RMDN1: variants seen among roughly 807,000 people sequenced by gnomAD.
The protein encoded by RMDN1 is regulator of microtubule dynamics protein 1.
A neutral mutation model predicts 48.9 loss-of-function variants in RMDN1; 48 were observed. The observed-to-expected ratio is 0.98, with a 90% confidence interval of 0.78 to 1.25. The LOEUF (loss-of-function observed/expected upper bound fraction) is 1.25, where lower values mean the gene tolerates loss of function less well. Among genes scored for constraint, RMDN1 ranks in the 50% most tolerant of loss-of-function variants. RMDN1 has a pLI of 0.00. For synonymous variants in RMDN1, 148 were observed against 132.6 expected (o/e 1.12, Z -0.80); for missense variants, 418 against 373.4 (o/e 1.12, Z -0.98).
chr8:86,500,784 A>G (rs1818079336), intron 2 of RMDN1, among the ~76,000 whole-genome samples: 1 of 152,230 alleles, frequency 6.6e-6, no homozygotes, highest in Non-Finnish European at 1.5e-5. Flanking sequence ...AAACACATGC[A>G]ATCAACTGAG....
downstream of RMDN1, among the ~76,000 whole-genome samples, chr8:86,469,100 AAC>A (rs1197031222): frequency 4.0e-5 from 6 of 151,484 alleles, no homozygotes; most frequent in Non-Finnish European, 2.9e-5. Context: ...TCAGTTAAGC[AAC>A]ACAATTCTAT....
chr8:86,476,194 A>G (rs1194052830), intron 8 of RMDN1, among the ~76,000 whole-genome samples: 2 of 152,326 alleles, frequency 1.3e-5, no homozygotes, highest in South Asian at 2.1e-4. Flanking sequence ...CTAAGGTCCT[A>G]TATTTTTACT....
chr8:86,473,428 T>C lies in RMDN1; in HGVS notation c.*880A>G, dbSNP rs1407649669. On this transcript the variant is annotated 3_prime_UTR_variant, in exon 10 of 10. Transcript: ENST00000406452. ...TCCATTCCATTAGGGAATAGAACTT[T>C]GCATCTGATGACAAATTCAGTTTAC... The C allele has an allele frequency of 7.1e-6, 7 of 985,356 alleles. No homozygotes were observed. Among genetic ancestry groups the C allele is most frequent in the Middle Eastern group, 5.2e-4 (1 of 1,934 alleles). 61.0% of individuals were successfully genotyped at this position (985,356 alleles called of 1,614,324 possible).
Position 86,474,052 on chromosome 8 carries a change from A to C in RMDN1, c.*256T>G, listed in dbSNP as rs1296767700. ...GATCAATCCTTAGAAATCTCATACC[A>C]TTTTGCATTGCTGGTATCCAGGATG... is the stretch of plus-strand genomic sequence containing the variant. On this transcript the variant is annotated 3_prime_UTR_variant, in exon 10 of 10. Transcript: ENST00000406452. 1 of 1,201,468 alleles carries C rather than the reference A, an allele frequency of 8.3e-7. No homozygotes were observed. Among genetic ancestry groups the C allele is most frequent in the African/African-American group, 1.6e-5 (1 of 63,380 alleles). The allele number at this position is 1,201,468 out of a possible 1,614,324, so 74.4% of individuals were successfully genotyped here.
intron 2 of RMDN1, among the ~76,000 whole-genome samples, chr8:86,503,252 T>A (rs554316908): frequency 1.3e-5 from 2 of 151,634 alleles, no homozygotes; most frequent in South Asian, 4.2e-4. Context: ...CTCAGGAGGC[T>A]GAGGCAGGAG....
At chr8:86,496,347 G>C (rs1409995544) in intron 2 of RMDN1, among the ~76,000 whole-genome samples, 1 of 152,208 alleles carries the variant, frequency 6.6e-6, no homozygotes, top group East Asian at 1.9e-4. Context: ...AAATGACACA[G>C]AGTGGCAAGT....
intron 2 of RMDN1, among the ~76,000 whole-genome samples, chr8:86,499,168 C>G (rs1817826378): frequency 1.3e-5 from 2 of 152,112 alleles, no homozygotes; most frequent in Admixed American, 1.3e-4. Context: ...GACAAGGATG[C>G]CCACTCTTAC....
intron 6 of RMDN1, among the ~76,000 whole-genome samples, chr8:86,479,812 C>A (rs116077247): frequency 6.6e-6 from 1 of 152,064 alleles, no homozygotes; most frequent in African/African-American, 2.4e-5. Flanking sequence ...CCATCAAGTA[C>A]GTAACACTTT....
At position 86,474,743 on chromosome 8, in the gene RMDN1, C is replaced by T. The variant is rs1813081000; in HGVS notation, c.894+77G>A. On this transcript the variant is annotated intron_variant, in intron 9 of 9. Transcript: ENST00000406452. Reference sequence around the variant, plus strand: ...AATATTATGCATTTAGAAAATTATGCTTTTAAAGAAGTTCTTAATTCACCA... The same window carrying T: ...AATATTATGCATTTAGAAAATTATGTTTTTAAAGAAGTTCTTAATTCACCA... 4.5e-6 allele frequency: 6 copies of T among 1,328,656 alleles called. No homozygotes were observed. The East Asian group carries it at 6.9e-5, about 15-fold the overall frequency. The allele number at this position is 1,328,656 out of a possible 1,614,324, so 82.3% of individuals were successfully genotyped here. A position where few individuals can be genotyped will look rare whatever the true frequency, so the allele number is the denominator to read the frequency against.
intron 8 of RMDN1, among the ~76,000 whole-genome samples, chr8:86,475,254 A>G (rs1813173619): frequency 6.6e-6 from 1 of 152,212 alleles, no homozygotes; most frequent in African/African-American, 2.4e-5. Context: ...GATAGAATGT[A>G]TGCTATTTGA....
At chr8:86,481,128 T>C (rs1224673047) in intron 5 of RMDN1, among the ~76,000 whole-genome samples, 1 of 152,188 alleles carries the variant, frequency 6.6e-6, no homozygotes, top group African/African-American at 2.4e-5. Flanking sequence ...ACCCACACTT[T>C]TGCTTTCAGT....
At chr8:86,503,390 C>CAAAACAAAACAA (rs1491204153) in intron 2 of RMDN1, among the ~76,000 whole-genome samples, 4 of 56,584 alleles carry the variant, frequency 7.1e-5, no homozygotes, top group Admixed American at 2.3e-4. Context: ...AAAAAAAAAA[C>CAAAACAAAACAA]AAAAAAAAAT....
chr8:86,486,463 T>A (rs774829528), intron 4 of RMDN1, 21 bp downstream of exon 4: 1 of 1,559,542 alleles, frequency 6.4e-7, no homozygotes, highest in East Asian at 2.3e-5. Context: ...ACATGGTTAA[T>A]AGCTTAGTTA....
chr8:86,501,749 TATA>T (rs1211174109), intron 2 of RMDN1, among the ~76,000 whole-genome samples: 11 of 152,192 alleles, frequency 7.2e-5, no homozygotes, highest in African/African-American at 2.4e-4. Context: ...CAAAAATTAT[TATA>T]ATGTGATAAG....
rs76999486 is a variant in RMDN1, at chr8:86,501,570, G to A, written c.247+5425C>T. On this transcript the variant is annotated intron_variant, in intron 2 of 9. Transcript: ENST00000406452. ...CATCTGTAGTCTCAGCTACTTGTGA[G>A]GCTGAGGTGGGAGAATCACCCGGGC... Among the ~76,000 whole-genome samples, 129 of 152,098 alleles carry A rather than the reference G, an allele frequency of 8.5e-4. 1 individual carries two copies. The highest frequency in any genetic ancestry group is 3.0e-3 in the African/African-American group (125 of 41,512).
At chr8:86,507,322 T>TA (rs2131354123) in intron 1 of RMDN1, among the ~76,000 whole-genome samples, 1 of 152,320 alleles carries the variant, frequency 6.6e-6, no homozygotes, top group South Asian at 2.1e-4. Context: ...GCCGCTCATC[T>TA]AAAAATCACA....
At chr8:86,484,989 A>AT (rs1478067727) in intron 4 of RMDN1, 28 bp from the exon 5 acceptor site, 11 of 1,255,030 alleles carry the variant, frequency 8.8e-6, no homozygotes, top group Non-Finnish European at 1.1e-5. Flanking sequence ...TGTAAGAACA[A>AT]TAATATTCTT....
chr8:86,498,348 C>A (rs1817702990), intron 2 of RMDN1, among the ~76,000 whole-genome samples: 1 of 151,798 alleles, frequency 6.6e-6, no homozygotes, highest in African/African-American at 2.4e-5. Context: ...GGGCTGGTAC[C>A]AATCCTATTG....
chr8:86,477,293 C>T lies in RMDN1; in HGVS notation c.760+1G>A. 6.3e-7 allele frequency: 1 copy of T among 1,598,790 alleles called. No individual in the cohort carries two copies. Among genetic ancestry groups the T allele is most frequent in the Non-Finnish European group, 8.5e-7 (1 of 1,171,846 alleles). Reference sequence around the variant, plus strand: ...AATATGTGTAATCAAAAATACCTTACCTTGTTCTGCCCTGTGAAAGTAGCC... The same window carrying T: ...AATATGTGTAATCAAAAATACCTTATCTTGTTCTGCCCTGTGAAAGTAGCC... On this transcript the variant is annotated splice_donor_variant, in intron 8 of 9. Coordinates refer to ENST00000406452, the MANE Select transcript of RMDN1 (RefSeq NM_016033.3). LOFTEE classifies it high-confidence loss of function.
Sources: allele counts gnomAD v4.1 joint callset (sites outside exome capture counted in the v4.1 genomes callset), GRCh38; gene constraint gnomAD v4.1.1; transcripts MANE v1.5; gene names NCBI Gene and HGNC (gene_info 2026-07-23, HGNC 2026-07-21).